MTERF4: variants seen among roughly 807,000 people sequenced by gnomAD.
MTERF4 encodes mitochondrial transcription termination factor 4, also known as transcription termination factor 4, mitochondrial.
A neutral mutation model predicts 22.5 loss-of-function variants in MTERF4; 17 were observed. The observed-to-expected ratio is 0.75, with a 90% CI of 0.52 to 1.13. The LOEUF (loss-of-function observed/expected upper bound fraction) is 1.13, where lower values mean the gene tolerates loss of function less well. Ranked by LOEUF, MTERF4 falls within the 50% of genes most tolerant of loss-of-function variation. MTERF4 has a pLI of 0.00. For synonymous variants in MTERF4, 165 were observed against 175.3 expected (o/e 0.94, Z 0.47); for missense variants, 420 against 466.8 (o/e 0.90, Z 0.92).
In MTERF4 at chr2:241,099,494, A is replaced by G. The variant is rs2064603573; in HGVS notation, c.422T>C (p.Val141Ala). ...GGGACTTTTCTTCAAGACCACACAC[A>G]CAGGCTCTGGATTCAGACCCAAGAG... ...FILLGLNPEP[V>A]CVVLKKSPQL... The change falls in exon 2 of 4, where the codon GTG becomes GCG. Residue 141 changes from valine to alanine, a missense_variant. Val to Ala is a moderately conservative substitution (Grantham distance 64). Coordinates refer to ENST00000391980, the MANE Select transcript of MTERF4 (RefSeq NM_182501.4). 1 of 1,614,182 alleles carries G rather than the reference A, an allele frequency of 6.2e-7. No individual in the cohort carries two copies. The highest frequency in any genetic ancestry group is 8.5e-7 in the Non-Finnish European group (1 of 1,180,030).
Position 241,096,604 on chromosome 2 carries a change from G to T in MTERF4, c.706-166C>A. On this transcript the variant is annotated intron_variant, in intron 3 of 3. Transcript: ENST00000391980. This position sits in a 1 kb window ranked among gnomAD's most constrained non-coding sequence, Gnocchi z 5.1. Reference sequence around the variant, plus strand: ...ACTGACATTTGTGTGACAGCCAGCAGTTTCAAAACACTTTCAAATTCATCC... The same window carrying T: ...ACTGACATTTGTGTGACAGCCAGCATTTTCAAAACACTTTCAAATTCATCC... 1 of 753,936 alleles carries T rather than the reference G, an allele frequency of 1.3e-6. No homozygotes were observed. The allele number at this position is 753,936 out of a possible 1,614,324, so 46.7% of individuals were successfully genotyped here. A position where few individuals can be genotyped will look rare whatever the true frequency, so the allele number is the denominator to read the frequency against.
chr2:241,058,313 A>C, the MTERF4 span, among the ~76,000 whole-genome samples: 29,485 of 152,120 alleles, frequency 0.19, 3,012 homozygotes, highest in East Asian at 0.4. Context: ...AGAAACTGAC[A>C]TTAATACCAA....
At chr2:241,065,339 G>A in the MTERF4 span, 2 of 1,613,008 alleles carry the variant, frequency 1.2e-6, no homozygotes, top group African/African-American at 1.3e-5. Context: ...AGAGAGTGGA[G>A]GAGAGTGGGG....
the MTERF4 span, among the ~76,000 whole-genome samples, chr2:241,044,023 T>C: frequency 1.3e-5 from 2 of 152,172 alleles, no homozygotes; most frequent in African/African-American, 4.8e-5. Flanking sequence ...GTAAAAGATA[T>C]ACATTGTAAA....
the MTERF4 span, chr2:241,052,220 A>T: frequency 1.3e-6 from 2 of 1,511,744 alleles, no homozygotes; most frequent in Non-Finnish European, 1.8e-6. Context: ...AGATGTGAAA[A>T]CAGGCCCATG....
chr2:241,048,342 T>A, the MTERF4 span: 1 of 1,610,482 alleles, frequency 6.2e-7, no homozygotes, highest in Non-Finnish European at 8.5e-7. Flanking sequence ...GACGCCTGCC[T>A]CTCGGCCCCT....
downstream of MTERF4, among the ~76,000 whole-genome samples, chr2:241,071,060 G>A (rs559850087): frequency 3.3e-5 from 5 of 152,310 alleles, no homozygotes; most frequent in Admixed American, 2.0e-4. Context: ...TCTGTGAGCC[G>A]GCGTCAGAGT....
intron 2 of MTERF4, among the ~76,000 whole-genome samples, chr2:241,097,985 T>C (rs572564715): frequency 5.1e-4 from 78 of 152,292 alleles, no homozygotes; most frequent in Admixed American, 4.8e-3. Flanking sequence ...AGGGTCACCA[T>C]ATATCTTCTC....
At chr2:241,050,828 A>AG in the MTERF4 span, among the ~76,000 whole-genome samples, 16,862 of 151,598 alleles carry the variant, frequency 0.11, 1,591 homozygotes, top group East Asian at 0.33. Context: ...ACTGTACCCA[A>AG]GGTGGGGGTC....
chr2:241,061,986 T>C, the MTERF4 span, among the ~76,000 whole-genome samples: 4 of 152,202 alleles, frequency 2.6e-5, no homozygotes, highest in Admixed American at 6.5e-5. Context: ...TGAAAATCTA[T>C]GAACCACAGT....
the MTERF4 span, among the ~76,000 whole-genome samples, chr2:241,061,027 A>G: frequency 6.6e-6 from 1 of 152,188 alleles, no homozygotes; most frequent in Non-Finnish European, 1.5e-5. Context: ...TTAAGCCACA[A>G]AAAGAATTTA....
At chr2:241,048,475 C>A in the MTERF4 span, 2 of 1,568,344 alleles carry the variant, frequency 1.3e-6, no homozygotes, top group South Asian at 1.2e-5. Context: ...CGTTTTAGGG[C>A]TGGGGCAGGA....
the MTERF4 span, among the ~76,000 whole-genome samples, chr2:241,047,034 T>G: frequency 2.0e-5 from 3 of 150,656 alleles, no homozygotes; most frequent in Non-Finnish European, 4.4e-5. Flanking sequence ...TCCCAGCTAC[T>G]CGGGAAGCTG....
At chr2:241,047,515 T>C in the MTERF4 span, among the ~76,000 whole-genome samples, 1 of 152,208 alleles carries the variant, frequency 6.6e-6, no homozygotes. Context: ...ACTCACGTTA[T>C]TCTCAAGTGC....
intron 4 of MTERF4, among the ~76,000 whole-genome samples, chr2:241,079,010 A>C (rs1056153626): frequency 1.3e-5 from 2 of 150,042 alleles, no homozygotes; most frequent in Non-Finnish European, 2.9e-5. Context: ...GCTATTCAGG[A>C]GGCTGAGGCA....
chr2:241,080,857 C>G (rs112866321), intron 4 of MTERF4, among the ~76,000 whole-genome samples: 4 of 152,360 alleles, frequency 2.6e-5, no homozygotes, highest in African/African-American at 9.6e-5. Context: ...GTGGACCAGT[C>G]CAGGGTGACC....
chr2:241,094,194 A>G, downstream of MTERF4: 1 of 404,326 alleles, frequency 2.5e-6, no homozygotes, highest in South Asian at 1.8e-5. This position sits in a 1 kb window ranked among gnomAD's most constrained non-coding sequence, Gnocchi z 4.3. Flanking sequence ...GCTGCCAGGT[A>G]CAAGTAAGGG....
chr2:241,096,305 T>G lies in MTERF4; in HGVS notation c.839A>C (p.Lys280Thr), dbSNP rs1156664817. Residue 280 changes from lysine (K) to threonine (T), a missense_variant, in exon 4 of 4, where the codon AAG becomes ACG. Transcript: ENST00000391980. This position sits in a 1 kb window ranked among gnomAD's most constrained non-coding sequence, Gnocchi z 5.1. ...RLGRYQTPDK[K>T]GQTQIPNPLL... ...TGGGTTAGGGATCTGTGTCTGCCCC[T>G]TCTTATCAGGGGTTTGGTACCGTCC... 3 of 1,614,112 alleles carry G rather than the reference T, an allele frequency of 1.9e-6. No individual in the cohort carries two copies. Among genetic ancestry groups the G allele is most frequent in the Non-Finnish European group, 2.5e-6 (3 of 1,180,050 alleles).
Position 241,097,436 on chromosome 2 carries a change from C to T in MTERF4, c.521-9G>A, listed in dbSNP as rs1366168784. 6.2e-6 allele frequency: 10 copies of T among 1,603,320 alleles called. No individual in the cohort carries two copies. The highest frequency in any genetic ancestry group is 4.0e-5 in the African/African-American group (3 of 74,248). On this transcript the variant is annotated splice_polypyrimidine_tract_variant and intron_variant, in intron 2 of 3. Coordinates refer to ENST00000391980, the MANE Select transcript of MTERF4 (RefSeq NM_182501.4). ...CACCCTCTTTAATTTCCCTGCAGAA[C>T]ATTCAAAAAAGGCAAGCATATAATT...
Sources: allele counts gnomAD v4.1 joint callset (sites outside exome capture counted in the v4.1 genomes callset), GRCh38; gene constraint gnomAD v4.1.1; non-coding constraint Gnocchi (gnomAD v3.1); transcripts MANE v1.5; gene names NCBI Gene and HGNC (gene_info 2026-07-23, HGNC 2026-07-21).